KLHL1: variants seen among roughly 807,000 people sequenced by gnomAD.
KLHL1 encodes kelch-like protein 1.
Under a neutral mutation model 77.7 loss-of-function variants are expected in KLHL1, and 47 were observed. That is an observed-to-expected ratio of 0.60 (90% CI 0.48 to 0.77). The LOEUF (loss-of-function observed/expected upper bound fraction) is 0.77, where lower values mean the gene tolerates loss of function less well. KLHL1 is among the 30% of genes least tolerant of loss of function. KLHL1 has a pLI of 0.00. For synonymous variants in KLHL1, 360 were observed against 325.2 expected, an observed-to-expected ratio of 1.11 and a Z score of -1.15; for missense variants, 925 against 910.8, an observed-to-expected ratio of 1.02 and a Z score of -0.20.
At chr13:70,054,171 T>G (rs367712872) in intron 1 of KLHL1, among the ~76,000 whole-genome samples, 8 of 152,194 alleles carry the variant, frequency 5.3e-5, no homozygotes, top group East Asian at 1.9e-4. Context: ...TCACATAGAT[T>G]GTCTCATTTT....
At chr13:70,065,336 G>C (rs1886981393) in intron 1 of KLHL1, among the ~76,000 whole-genome samples, 1 of 152,114 alleles carries the variant, frequency 6.6e-6, no homozygotes, top group Non-Finnish European at 1.5e-5. Context: ...AGATGACAGT[G>C]GCATCATAGC....
intron 1 of KLHL1, among the ~76,000 whole-genome samples, chr13:70,024,413 A>G (rs981351): frequency 0.85 from 129,475 of 151,722 alleles, 55,622 homozygotes; most frequent in East Asian, 0.92. Context: ...AACTCAGGGG[A>G]CTTGCCATGA....
At chr13:70,020,750 T>C (rs1044836011) in intron 1 of KLHL1, among the ~76,000 whole-genome samples, 3 of 151,892 alleles carry the variant, frequency 2.0e-5, no homozygotes, top group Middle Eastern at 3.2e-3. Flanking sequence ...AGTGTATCAA[T>C]AGAATATTGG....
intron 3 of KLHL1, among the ~76,000 whole-genome samples, chr13:69,951,408 TCGCAA>T (rs1883707144): frequency 6.6e-6 from 1 of 151,520 alleles, no homozygotes; most frequent in Admixed American, 6.6e-5. Flanking sequence ...GGCCAGATTT[TCGCAA>T]GTTAGTAGGA....
At chr13:69,880,986 A>G (rs73508479) in intron 5 of KLHL1, among the ~76,000 whole-genome samples, 8,715 of 152,146 alleles carry the variant, frequency 0.057, 633 homozygotes, top group African/African-American at 0.17. Flanking sequence ...TACCCGCCCA[A>G]ACTCTAATAG....
At chr13:69,785,891 G>T (rs1490961737) in intron 7 of KLHL1, among the ~76,000 whole-genome samples, 3 of 152,038 alleles carry the variant, frequency 2.0e-5, no homozygotes, top group Non-Finnish European at 2.9e-5. Flanking sequence ...CTACGCAAAT[G>T]AACTAGAAAA....
intron 4 of KLHL1, among the ~76,000 whole-genome samples, chr13:69,918,774 T>C (rs1882529930): frequency 6.6e-6 from 1 of 152,154 alleles, no homozygotes; most frequent in African/African-American, 2.4e-5. Context: ...GTTTGTGAGA[T>C]TACCACAATG....
intron 4 of KLHL1, among the ~76,000 whole-genome samples, chr13:69,936,188 A>T (rs1883183770): frequency 6.6e-6 from 1 of 152,194 alleles, no homozygotes; most frequent in Non-Finnish European, 1.5e-5. Context: ...GTAAGAGTGA[A>T]GGAACCATAC....
chr13:69,803,272 T>A (rs1212960606), intron 6 of KLHL1, among the ~76,000 whole-genome samples: 2 of 151,536 alleles, frequency 1.3e-5, no homozygotes, highest in South Asian at 4.2e-4. Context: ...CCTGATGAAA[T>A]ACATATTATT....
chr13:70,052,983 T>C (rs377121097), intron 1 of KLHL1, among the ~76,000 whole-genome samples: 1 of 152,112 alleles, frequency 6.6e-6, no homozygotes, highest in East Asian at 1.9e-4. Context: ...AAAAAACAGA[T>C]AAGTACACAA....
chr13:69,763,637 C>A (rs1445361103), intron 7 of KLHL1, among the ~76,000 whole-genome samples: 1 of 152,162 alleles, frequency 6.6e-6, no homozygotes. Flanking sequence ...AGCACTAAAG[C>A]CCCGTTTTGG....
intron 1 of KLHL1, among the ~76,000 whole-genome samples, chr13:70,098,294 TAA>T (rs1398938944): frequency 1.3e-5 from 2 of 151,932 alleles, no homozygotes; most frequent in Non-Finnish European, 2.9e-5. Flanking sequence ...AGAAAAGCTA[TAA>T]GAGTGTCACA....
intron 4 of KLHL1, among the ~76,000 whole-genome samples, chr13:69,882,901 T>C (rs1881056199): frequency 2.0e-5 from 3 of 152,156 alleles, no homozygotes; most frequent in Admixed American, 1.3e-4. Context: ...ATTGCATAGA[T>C]AAAAGTAGCA....
In KLHL1 at chr13:69,837,673, T is replaced by TACAC. The variant is rs1312339989; in HGVS notation, c.1414+1302_1414+1303insGTGT. 4.0e-4 allele frequency among the ~76,000 whole-genome samples: 51 copies of TACAC among 127,170 alleles called. 4 individuals are homozygous for TACAC. Among genetic ancestry groups the TACAC allele is most frequent in the African/African-American group, 1.5e-3 (42 of 27,728 alleles). The allele number at this position is 127,170 out of a possible 152,430, so 83.4% of individuals were successfully genotyped here. ...ATATATATATGTGTGTGTGTGTGTATATATATATATATATACACATATATA... is the reference window on the plus strand; with the variant it reads ...ATATATATATGTGTGTGTGTGTGTATACACATATATATATATATACACATATATA... On this transcript the variant is annotated intron_variant, in intron 6 of 10. Transcript: ENST00000377844.
At chr13:69,985,140 AC>A (rs1884827063) in intron 1 of KLHL1, among the ~76,000 whole-genome samples, 2 of 151,986 alleles carry the variant, frequency 1.3e-5, no homozygotes, top group South Asian at 4.2e-4. Flanking sequence ...AACAACAACA[AC>A]AACAAAAAAC....
At chr13:70,050,008 A>G (rs1199588835) in intron 1 of KLHL1, among the ~76,000 whole-genome samples, 2 of 151,998 alleles carry the variant, frequency 1.3e-5, no homozygotes, top group Non-Finnish European at 1.5e-5. Flanking sequence ...CAAAAAATTA[A>G]TAATGTAAAA....
At chr13:69,851,079 A>G (rs1285584329) in intron 5 of KLHL1, among the ~76,000 whole-genome samples, 2 of 10,830 alleles carry the variant, frequency 1.8e-4, no homozygotes, top group Non-Finnish European at 7.2e-4. Context: ...TATACTTAGT[A>G]GTCACAACTG....
rs572506382 is a variant in KLHL1, at chr13:69,765,381, T to A, written c.1640-24825A>T. ...ATACTAATAGATATCTTATACAAAA[T>A]ATTAAAGACCATGTCTCAGACCATC... On this transcript the variant is annotated intron_variant, in intron 7 of 10. Transcript: ENST00000377844. Among the ~76,000 whole-genome samples, 94 of 152,282 alleles carry A rather than the reference T, an allele frequency of 6.2e-4. 4 individuals are homozygous for A. In the South Asian group the frequency reaches 0.013, roughly 20 times the overall value.
At chr13:69,922,326 G>C (rs1882668612) in intron 4 of KLHL1, among the ~76,000 whole-genome samples, 1 of 152,132 alleles carries the variant, frequency 6.6e-6, no homozygotes, top group African/African-American at 2.4e-5. Context: ...TGGTAGAAGA[G>C]AGAATAACGT....
Sources: gnomAD v4.1 joint callset for allele counts (sites outside exome capture counted in the v4.1 genomes callset) on GRCh38, gnomAD v4.1.1 for gene constraint, MANE v1.5 for transcripts, NCBI Gene and HGNC (gene_info 2026-07-23, HGNC 2026-07-21) for gene names.